HCN1: variants seen among roughly 807,000 people sequenced by gnomAD.
The protein encoded by HCN1 is potassium/sodium hyperpolarization-activated cyclic nucleotide-gated channel 1.
A neutral mutation model predicts 78.9 loss-of-function variants in HCN1; 13 were observed. The observed-to-expected ratio is 0.16, with a 90% CI of 0.11 to 0.26. The LOEUF (loss-of-function observed/expected upper bound fraction) is 0.26. Among genes scored for constraint, HCN1 ranks in the 10% least tolerant of loss-of-function variants. The probability of loss-of-function intolerance (pLI) is 1.00; values close to 1 mark genes in which losing one functional copy is unlikely to be tolerated. For synonymous variants in HCN1, 552 were observed against 455.5 expected, an observed-to-expected ratio of 1.21 and a Z score of -2.70; for missense variants, 810 against 1,154.3, an observed-to-expected ratio of 0.70 and a Z score of 4.32.
chr5:45,373,112 A>G (rs1385600420), intron 4 of HCN1, among the ~76,000 whole-genome samples: 2 of 131,296 alleles, frequency 1.5e-5, no homozygotes, highest in African/African-American at 5.6e-5. Context: ...AAATACATAT[A>G]GTATATCATA....
rs1372043768 is a variant in HCN1 at position 45,262,382 on chromosome 5, C to A, written c.2212G>T (p.Val738Leu). Reference protein sequence around the residue: ...SLMQQQPQQQVQQSQPPQTQP... With the variant: ...SLMQQQPQQQLQQSQPPQTQP... ...GTCTGCGGCGGCTGGGACTGCTGTA[C>A]CTGCTGCTGCGGCTGCTGTTGCATG... The change falls in exon 8 of 8, where the codon GTA becomes TTA. Residue 738 changes from valine (V) to leucine (L), a missense_variant. Coordinates refer to ENST00000303230, the MANE Select transcript of HCN1 (RefSeq NM_021072.4). The A allele has an allele frequency of 1.2e-6, 2 of 1,611,892 alleles. No homozygotes were observed. The highest frequency in any genetic ancestry group is 1.7e-6 in the Non-Finnish European group (2 of 1,179,662).
At chr5:45,353,774 A>C (rs1746959481) in intron 4 of HCN1, among the ~76,000 whole-genome samples, 1 of 151,936 alleles carries the variant, frequency 6.6e-6, no homozygotes, top group Non-Finnish European at 1.5e-5. Context: ...ATGCCCTGTA[A>C]ATTACTGAGA....
intron 2 of HCN1, among the ~76,000 whole-genome samples, chr5:45,507,661 C>A (rs930344880): frequency 6.6e-6 from 1 of 152,064 alleles, no homozygotes; most frequent in African/African-American, 2.4e-5. Flanking sequence ...CACACATGGT[C>A]AGAAGGTGAC....
chr5:45,609,788 G>A (rs1161284333), intron 2 of HCN1, among the ~76,000 whole-genome samples: 1 of 152,130 alleles, frequency 6.6e-6, no homozygotes, highest in Non-Finnish European at 1.5e-5. Context: ...TTATCACAGT[G>A]TTATAACATG....
intron 1 of HCN1, among the ~76,000 whole-genome samples, chr5:45,649,065 C>T (rs1327710394): frequency 6.6e-6 from 1 of 151,940 alleles, no homozygotes; most frequent in Admixed American, 6.6e-5. Flanking sequence ...AGGGCACTTG[C>T]TCATGCTTTG....
chr5:45,280,572 A>T (rs982529668), intron 6 of HCN1, among the ~76,000 whole-genome samples: 5 of 152,138 alleles, frequency 3.3e-5, no homozygotes, highest in African/African-American at 1.2e-4. Flanking sequence ...CAAACTCCTC[A>T]CACTGAAAGT....
At chr5:45,689,584 G>A (rs954465347) in intron 1 of HCN1, among the ~76,000 whole-genome samples, 1 of 152,106 alleles carries the variant, frequency 6.6e-6, no homozygotes, top group African/African-American at 2.4e-5. Flanking sequence ...TGGGGGTAAT[G>A]TCACATTAAA....
In HCN1 at chr5:45,257,901, T is replaced by G. The variant is rs1372197005; in HGVS notation, c.*4020A>C. 6.6e-6 allele frequency: 1 copy of G among 152,096 alleles called. No individual in the cohort carries two copies. Among genetic ancestry groups the G allele is most frequent in the Non-Finnish European group, 1.5e-5 (1 of 68,024 alleles). The allele number at this position is 152,096 out of a possible 1,614,324, so 9.4% of individuals were successfully genotyped here. ...TGGCCATTGTTTTCAGGACTCAAAA[T>G]AGCTCAGCATTCCATTCTATAAGGC... On this transcript the variant is annotated 3_prime_UTR_variant, in exon 8 of 8. Transcript: ENST00000303230.
intron 1 of HCN1, among the ~76,000 whole-genome samples, chr5:45,668,666 G>GATCAT (rs1746095286): frequency 6.6e-6 from 1 of 151,818 alleles, no homozygotes; most frequent in South Asian, 2.1e-4. Flanking sequence ...TCATAATTTG[G>GATCAT]ATTTAGATGA....
chr5:45,472,365 A>G (rs1312544758), intron 2 of HCN1, among the ~76,000 whole-genome samples: 1 of 151,866 alleles, frequency 6.6e-6, no homozygotes, highest in Non-Finnish European at 1.5e-5. Flanking sequence ...TGTTTAATGC[A>G]TTGCTATAAT....
At chr5:45,363,301 G>T (rs1579841125) in intron 4 of HCN1, among the ~76,000 whole-genome samples, 1 of 151,286 alleles carries the variant, frequency 6.6e-6, no homozygotes, top group Non-Finnish European at 1.5e-5. Context: ...TTTGCATCAG[G>T]GCTCTCTGGG....
intron 5 of HCN1, among the ~76,000 whole-genome samples, chr5:45,330,694 ATTC>A (rs1196165855): frequency 6.6e-6 from 1 of 151,108 alleles, no homozygotes; most frequent in Non-Finnish European, 1.5e-5. Context: ...TTTGCAAGAA[ATTC>A]TTATTACTCA....
chr5:45,267,294 A>G, intron 6 of HCN1, 41 bp from the exon 7 acceptor site: 1 of 1,598,596 alleles, frequency 6.3e-7, no homozygotes, highest in Non-Finnish European at 8.6e-7. Context: ...TTGTTTGATC[A>G]TTTTCTTTTA....
At chr5:45,471,447 CCTT>C (rs1741387500) in intron 2 of HCN1, among the ~76,000 whole-genome samples, 2 of 151,972 alleles carry the variant, frequency 1.3e-5, no homozygotes, top group East Asian at 1.9e-4. Context: ...GATTTTATCT[CCTT>C]GTGTCAGTCT....
intron 4 of HCN1, among the ~76,000 whole-genome samples, chr5:45,393,328 C>T (rs1464074128): frequency 6.6e-6 from 1 of 152,020 alleles, no homozygotes; most frequent in Non-Finnish European, 1.5e-5. Flanking sequence ...TGATTGGAGA[C>T]AGCGACATAA....
At chr5:45,389,717 T>G (rs1343015292) in intron 4 of HCN1, among the ~76,000 whole-genome samples, 1 of 152,214 alleles carries the variant, frequency 6.6e-6, no homozygotes. Flanking sequence ...GTTTTATCTA[T>G]TAGAGTTATC....
At chr5:45,537,521 G>GTT (rs1381285677) in intron 2 of HCN1, among the ~76,000 whole-genome samples, 10 of 28,798 alleles carry the variant, frequency 3.5e-4, no homozygotes, top group South Asian at 1.3e-3. Context: ...GCAACTCTAA[G>GTT]TCTTTTTTTT....
chr5:45,487,311 G>T (rs1306149130), intron 2 of HCN1, among the ~76,000 whole-genome samples: 1 of 151,998 alleles, frequency 6.6e-6, no homozygotes, highest in African/African-American at 2.4e-5. Flanking sequence ...CATAAATTTT[G>T]CTGTACTCTT....
intron 5 of HCN1, among the ~76,000 whole-genome samples, chr5:45,318,811 G>A (rs543604298): frequency 1.3e-4 from 19 of 151,830 alleles, no homozygotes; most frequent in Non-Finnish European, 2.2e-4. Context: ...TAACCAGCCG[G>A]ATTCAAATAT....
Sources: allele counts gnomAD v4.1 joint callset (sites outside exome capture counted in the v4.1 genomes callset), GRCh38; gene constraint gnomAD v4.1.1; transcripts MANE v1.5; gene names NCBI Gene and HGNC (gene_info 2026-07-23, HGNC 2026-07-21).